The following DCLK1 variants were observed in gnomAD, a reference collection of about 807,000 sequenced individuals.
The protein encoded by DCLK1 is doublecortin like kinase 1.
A neutral mutation model predicts 86.2 loss-of-function variants in DCLK1; 16 were observed. The observed-to-expected ratio is 0.19, with a 90% CI of 0.13 to 0.28. The LOEUF is 0.28. Among genes scored for constraint, DCLK1 ranks in the 10% least tolerant of loss-of-function variants. DCLK1 has a pLI of 1.00. For synonymous variants in DCLK1, 369 were observed against 370.5 expected (o/e 1.00, Z 0.05); for missense variants, 590 against 940.2 (o/e 0.63, Z 4.87).
At chr13:35,915,948 T>G (rs1010106552) in intron 4 of DCLK1, among the ~76,000 whole-genome samples, 8 of 152,166 alleles carry the variant, frequency 5.3e-5, no homozygotes, top group African/African-American at 1.9e-4. Flanking sequence ...CAAAGAAGAA[T>G]AAGAGTAAGT....
Position 35,793,478 on chromosome 13 carries a change from T to A in DCLK1, c.1946A>T (p.Asp649Val), listed in dbSNP as rs761282174. The change falls in exon 16 of 17, where the codon GAT becomes GTT. Residue 649 changes from aspartate (D) to valine (V), a missense_variant and splice_region_variant. Coordinates refer to ENST00000360631, the MANE Select transcript of DCLK1 (RefSeq NM_001330071.2). ...ATGTTCATTTTCTGGGAGGCCATCA[T>A]CCTGGAGAAAAAGAAATAAAGAGAA... is the stretch of plus-strand genomic sequence containing the variant. ...VQVLEHPWVN[D>V]DGLPENEHQL... The A allele has an allele frequency of 1.3e-6, 2 of 1,591,014 alleles. No homozygotes were observed. The highest frequency in any genetic ancestry group is 2.3e-5 in the East Asian group (1 of 44,378).
rs200892137 is a variant in DCLK1 at position 35,842,069 on chromosome 13, CA to C, written c.1036-2894del. Reference sequence around the variant, plus strand: ...AAAGGAAGTTCTCCTGCTAAAAATACAAAAAAAAAATTAGCCAGGCATGGTG... The same window carrying C: ...AAAGGAAGTTCTCCTGCTAAAAATACAAAAAAAAATTAGCCAGGCATGGTG... On this transcript the variant is annotated intron_variant, in intron 6 of 16. Coordinates refer to ENST00000360631, the MANE Select transcript of DCLK1 (RefSeq NM_001330071.2). Among the ~76,000 whole-genome samples the C allele has an allele frequency of 4.1e-3, 595 of 145,610 alleles. 2 individuals are homozygous for C. The highest frequency in any genetic ancestry group is 0.014 in the African/African-American group (556 of 39,832).
chr13:35,866,706 G>A (rs1311871301), intron 5 of DCLK1, among the ~76,000 whole-genome samples: 1 of 151,444 alleles, frequency 6.6e-6, no homozygotes, highest in African/African-American at 2.4e-5. Flanking sequence ...ACCACACCCA[G>A]TCTAAAGATG....
chr13:35,946,286 G>A (rs1291043937), intron 4 of DCLK1, among the ~76,000 whole-genome samples: 12 of 152,174 alleles, frequency 7.9e-5, no homozygotes, highest in Admixed American at 7.2e-4. Flanking sequence ...TTACAGGTGT[G>A]AGCCACCATG....
rs1033491991 is a variant in DCLK1 at position 35,774,326 on chromosome 13, T to C, written c.*209A>G. The C allele has an allele frequency of 1.5e-5, 10 of 669,318 alleles. No homozygotes were observed. The highest frequency in any genetic ancestry group is 3.6e-5 in the African/African-American group (2 of 55,322). The allele number at this position is 669,318 out of a possible 1,614,324, so 41.5% of individuals were successfully genotyped here. On this transcript the variant is annotated 3_prime_UTR_variant, in exon 17 of 17. Coordinates refer to ENST00000360631, the MANE Select transcript of DCLK1 (RefSeq NM_001330071.2). ...GGCCTTAACCCTTTGAGGACTCTAT[T>C]AGCAGCAAATTACCATCTTCACAAT...
At chr13:35,867,240 A>C (rs1040043728) in intron 5 of DCLK1, among the ~76,000 whole-genome samples, 1 of 152,238 alleles carries the variant, frequency 6.6e-6, no homozygotes, top group African/African-American at 2.4e-5. Flanking sequence ...ATTGCATGTT[A>C]TCTCTTCCAG....
At chr13:36,070,912 T>G (rs372834338) in intron 3 of DCLK1, among the ~76,000 whole-genome samples, 2 of 152,138 alleles carry the variant, frequency 1.3e-5, no homozygotes, top group East Asian at 3.9e-4. Flanking sequence ...CCCAAAGCAC[T>G]GGGATTACAG....
intron 10 of DCLK1, among the ~76,000 whole-genome samples, 168 bp downstream of exon 10, chr13:35,827,467 G>C (rs1272915966): frequency 6.6e-6 from 1 of 152,130 alleles, no homozygotes; most frequent in African/African-American, 2.4e-5. Context: ...GCCAAGGCTG[G>C]GACTTGAGCC....
intron 4 of DCLK1, among the ~76,000 whole-genome samples, chr13:35,907,026 C>T (rs12428359): frequency 0.6 from 91,203 of 151,994 alleles, 30,124 homozygotes; most frequent in Non-Finnish European, 0.74. Context: ...GCTGCTGAAA[C>T]GACCCGCCAT....
At chr13:36,092,374 A>C (rs1295832773) in intron 3 of DCLK1, among the ~76,000 whole-genome samples, 1 of 152,206 alleles carries the variant, frequency 6.6e-6, no homozygotes, top group Non-Finnish European at 1.5e-5. Context: ...GCACAACGGC[A>C]AATAGCTGAA....
intron 2 of DCLK1, among the ~76,000 whole-genome samples, chr13:36,122,484 AAGGACAAATC>A (rs1176060466): frequency 3.3e-5 from 5 of 152,244 alleles, no homozygotes; most frequent in Non-Finnish European, 7.3e-5. Context: ...ATGTTAAAAG[AAGGACAAATC>A]AGTCAATCCA....
chr13:36,100,434 G>A (rs187772569), intron 3 of DCLK1, among the ~76,000 whole-genome samples: 6 of 152,126 alleles, frequency 3.9e-5, no homozygotes, highest in South Asian at 4.1e-4. Flanking sequence ...ATAAGCCTGC[G>A]CTATTCCTTT....
intron 3 of DCLK1, among the ~76,000 whole-genome samples, chr13:36,109,499 TA>T (rs1180679678): frequency 3.3e-5 from 5 of 152,224 alleles, no homozygotes; most frequent in African/African-American, 1.2e-4. Flanking sequence ...CTTAGTGTTC[TA>T]ATCTGTTAAA....
intron 4 of DCLK1, among the ~76,000 whole-genome samples, chr13:35,874,872 G>T (rs1297446086): frequency 6.6e-6 from 1 of 152,178 alleles, no homozygotes; most frequent in Non-Finnish European, 1.5e-5. Context: ...TCCTAGCTTT[G>T]GCCTCTGCCT....
rs1278196878 is a variant in DCLK1, at chr13:35,836,133, C to T, written c.1129G>A (p.Glu377Lys). 2 of 1,611,192 alleles carry T rather than the reference C, an allele frequency of 1.2e-6. No homozygotes were observed. Among genetic ancestry groups the T allele is most frequent in the Non-Finnish European group, 1.7e-6 (2 of 1,179,128 alleles). Residue 377 changes from glutamate (E) to lysine (K), a missense_variant, in exon 8 of 17, where the codon GAG (glutamate) becomes AAG (lysine). Coordinates refer to ENST00000360631, the MANE Select transcript of DCLK1 (RefSeq NM_001330071.2). ...GTAGCTGGAATCTGGAAGCCTTCCT[C>T]CGACACTTCTGAAAGAATCATTAAT... The part of the protein sequence containing the change: ...ENDGPGEEVS[E>K]EGFQIPATIT...
chr13:36,080,104 G>A, intron 3 of DCLK1, among the ~76,000 whole-genome samples: 1 of 135,728 alleles, frequency 7.4e-6, no homozygotes, highest in African/African-American at 2.7e-5. Context: ...CAACAAAGGA[G>A]TTATGGAAAA....
intron 3 of DCLK1, among the ~76,000 whole-genome samples, chr13:36,048,632 A>C (rs1301631988): frequency 6.6e-6 from 1 of 152,214 alleles, no homozygotes; most frequent in Non-Finnish European, 1.5e-5. Context: ...GAGGCTGTAC[A>C]TTCAATTCAG....
In DCLK1 at chr13:35,771,616, C is replaced by T. The variant is rs1432478953; in HGVS notation, c.*2919G>A. On this transcript the variant is annotated 3_prime_UTR_variant, in exon 17 of 17. Transcript: ENST00000360631. Reference sequence around the variant, plus strand: ...AAAGAGTTCTTCCTTAACTAGTCTACTATCAAACTGAAAAGATGAATCTTA... The same window carrying T: ...AAAGAGTTCTTCCTTAACTAGTCTATTATCAAACTGAAAAGATGAATCTTA... 6.6e-6 allele frequency: 1 copy of T among 152,140 alleles called. No individual in the cohort carries two copies. The highest frequency in any genetic ancestry group is 6.5e-5 in the Admixed American group (1 of 15,280). 9.4% of individuals were successfully genotyped at this position (152,140 alleles called of 1,614,324 possible).
intron 4 of DCLK1, among the ~76,000 whole-genome samples, chr13:35,896,708 C>T (rs1460179780): frequency 1.3e-5 from 2 of 151,810 alleles, no homozygotes; most frequent in Admixed American, 6.6e-5. Flanking sequence ...CTGCACTCGG[C>T]CTTGGCAGGA....
Sources: allele counts gnomAD v4.1 joint callset (sites outside exome capture counted in the v4.1 genomes callset), GRCh38; gene constraint gnomAD v4.1.1; transcripts MANE v1.5; gene names NCBI Gene and HGNC (gene_info 2026-07-23, HGNC 2026-07-21).